CPSF4L: variants seen among roughly 807,000 people sequenced by gnomAD.
CPSF4L encodes the protein putative cleavage and polyadenylation specificity factor subunit 4-like protein.
In CPSF4L, 18 loss-of-function variants were observed where a neutral mutation model predicts 24.0. That is an observed-to-expected ratio of 0.75 (90% confidence interval 0.52 to 1.11). The LOEUF (loss-of-function observed/expected upper bound fraction) is 1.11, where lower values mean the gene tolerates loss of function less well. CPSF4L is among the 50% of genes least tolerant of loss of function. The pLI is 0.00. For synonymous variants in CPSF4L, 72 were observed against 77.2 expected (o/e 0.93, Z 0.35); for missense variants, 211 against 221.8 (o/e 0.95, Z 0.31).
At chr17:73,257,951 A>C in intron 2 of CPSF4L, 118 bp from the exon 3 acceptor site, 2 of 1,037,256 alleles carry the variant, frequency 1.9e-6, no homozygotes, top group Non-Finnish European at 2.8e-6. Flanking sequence ...CTGTCCCCTT[A>C]TCCCTTCACC....
At chr17:73,256,546 C>G (rs1044317692) in intron 3 of CPSF4L, among the ~76,000 whole-genome samples, 4 of 152,220 alleles carry the variant, frequency 2.6e-5, no homozygotes, top group Non-Finnish European at 5.9e-5. Context: ...CTTTGTAGGT[C>G]ACTCTTTATG....
At chr17:73,254,289 A>C (rs1014576121) in intron 3 of CPSF4L, among the ~76,000 whole-genome samples, 3 of 152,232 alleles carry the variant, frequency 2.0e-5, no homozygotes, top group African/African-American at 4.8e-5. Context: ...ATGGAGAAGG[A>C]GGCACTGGAA....
At chr17:73,255,836 T>G (rs566730226) in intron 3 of CPSF4L, among the ~76,000 whole-genome samples, 4 of 152,224 alleles carry the variant, frequency 2.6e-5, no homozygotes, top group Admixed American at 6.5e-5. Context: ...TGCGTGCACG[T>G]CTCTGCATTC....
intron 2 of CPSF4L, among the ~76,000 whole-genome samples, chr17:73,260,506 C>T (rs2062041132): frequency 6.6e-6 from 1 of 152,186 alleles, no homozygotes; most frequent in Admixed American, 6.5e-5. Context: ...GTGGCTCACG[C>T]CTGTAATCCC....
At chr17:73,260,894 C>T (rs1056669537) in intron 2 of CPSF4L, 39 bp downstream of exon 2, 2 of 1,532,668 alleles carry the variant, frequency 1.3e-6, no homozygotes, top group Non-Finnish European at 1.8e-6. Context: ...AGACCCTACA[C>T]TCACCCAGCT....
rs981016032 is a variant in CPSF4L, at chr17:73,261,648, G to A, written c.103+68C>T. ...TACACTCCAGCCTGGGCTACAGAGCGAGACTCCGTCTCAAAGAAAAAAAAA... is the reference window on the plus strand; with the variant it reads ...TACACTCCAGCCTGGGCTACAGAGCAAGACTCCGTCTCAAAGAAAAAAAAA... On this transcript the variant is annotated intron_variant, in intron 1 of 5. Transcript: ENST00000344935. 1.4e-5 allele frequency: 15 copies of A among 1,099,132 alleles called. No individual in the cohort carries two copies. The African/African-American group carries it at 1.4e-4, about 10-fold the overall frequency. The allele number at this position is 1,099,132 out of a possible 1,614,324, so 68.1% of individuals were successfully genotyped here.
chr17:73,252,736 G>C lies in CPSF4L; in HGVS notation c.404-13C>G. 3.9e-6 allele frequency: 6 copies of C among 1,528,980 alleles called. No homozygotes were observed. Among genetic ancestry groups the C allele is most frequent in the Non-Finnish European group, 5.3e-6 (6 of 1,129,154 alleles). The allele number at this position is 1,528,980 out of a possible 1,614,324, so 94.7% of individuals were successfully genotyped here. On this transcript the variant is annotated splice_polypyrimidine_tract_variant and intron_variant, in intron 4 of 5. Coordinates refer to ENST00000344935, the MANE Select transcript of CPSF4L (RefSeq NM_001129885.1). ...TTACACAGAGGACCTGCTGAGCAAA[G>C]AGAAAGTGATGAGAAGGATCCGCTT...
At chr17:73,247,702 A>C (rs2061971050), downstream of CPSF4L, 1 of 176,588 alleles carries the variant, frequency 5.7e-6, no homozygotes, top group Admixed American at 5.6e-5. Flanking sequence ...ATTAATAAGA[A>C]GACAGCTTTT....
chr17:73,258,429 C>G (rs2062031916), intron 2 of CPSF4L, among the ~76,000 whole-genome samples: 1 of 152,100 alleles, frequency 6.6e-6, no homozygotes, highest in Non-Finnish European at 1.5e-5. Context: ...CCTCAGCCTC[C>G]CAAGTAGCTG....
intron 2 of CPSF4L, among the ~76,000 whole-genome samples, chr17:73,258,746 A>T (rs1024788795): frequency 6.6e-6 from 1 of 151,958 alleles, no homozygotes; most frequent in Non-Finnish European, 1.5e-5. Context: ...AGTGCCTAAC[A>T]CCCCCTCTCG....
chr17:73,242,900 G>T, the CPSF4L span: 5 of 1,612,934 alleles, frequency 3.1e-6, no homozygotes, highest in Non-Finnish European at 3.4e-6. Context: ...GAACAGGCTG[G>T]ATCAGGTGCA....
upstream of CPSF4L, among the ~76,000 whole-genome samples, chr17:73,262,559 C>A (rs1300004466): frequency 1.3e-5 from 2 of 152,254 alleles, no homozygotes; most frequent in Non-Finnish European, 2.9e-5. Flanking sequence ...TGCCACCCCA[C>A]CCCTGAGAAA....
chr17:73,243,195 C>T, the CPSF4L span: 22 of 609,582 alleles, frequency 3.6e-5, no homozygotes, highest in African/African-American at 4.1e-4. Flanking sequence ...GCTCTTGTTG[C>T]CCAGGCTGGA....
chr17:73,245,221 A>T, downstream of CPSF4L: 1 of 1,613,232 alleles, frequency 6.2e-7, no homozygotes, highest in South Asian at 1.1e-5. Flanking sequence ...AAAGCTCTGG[A>T]ACAGCAAAGG....
chr17:73,255,063 C>A (rs949027847), intron 3 of CPSF4L, among the ~76,000 whole-genome samples: 1 of 152,210 alleles, frequency 6.6e-6, no homozygotes, highest in Non-Finnish European at 1.5e-5. Context: ...ATCTTTCCAA[C>A]TTCATCCTCC....
intron 2 of CPSF4L, among the ~76,000 whole-genome samples, chr17:73,260,692 A>T (rs1213964189): frequency 6.6e-6 from 1 of 152,180 alleles, no homozygotes; most frequent in Non-Finnish European, 1.5e-5. Flanking sequence ...GCTTGAACCC[A>T]GGAGGCAGAG....
the CPSF4L span, chr17:73,243,008 GTCTT>G: frequency 3.7e-6 from 6 of 1,604,906 alleles, no homozygotes; most frequent in East Asian, 2.2e-5. Flanking sequence ...GTCTGAGTAA[GTCTT>G]TCTATATTTC....
At chr17:73,242,985 T>G in the CPSF4L span, 2 of 1,613,698 alleles carry the variant, frequency 1.2e-6, no homozygotes, top group Non-Finnish European at 1.7e-6. Context: ...GTGTTGTAGC[T>G]GGAGTTTCAG....
intron 5 of CPSF4L, chr17:73,251,215 T>C: frequency 8.0e-7 from 1 of 1,248,258 alleles, no homozygotes; most frequent in South Asian, 2.3e-5. Flanking sequence ...GAAACCAGGG[T>C]TCAAGATGCC....
Sources: gnomAD v4.1 joint callset for allele counts (sites outside exome capture counted in the v4.1 genomes callset) on GRCh38, gnomAD v4.1.1 for gene constraint, MANE v1.5 for transcripts, NCBI Gene and HGNC (gene_info 2026-07-23, HGNC 2026-07-21) for gene names.